Variants in TMEM184B observed in about 807,000 individuals in gnomAD.
TMEM184B encodes the protein putative MAPK-activating protein FM08.
A neutral mutation model predicts 41.8 loss-of-function variants in TMEM184B; 17 were observed. The ratio of observed to expected loss-of-function variants is 0.41; its 90% CI spans 0.28 to 0.61. The LOEUF is 0.61. Among genes scored for constraint, TMEM184B ranks in the 20% least tolerant of loss-of-function variants. TMEM184B has a pLI of 0.34. For synonymous variants in TMEM184B, 240 were observed against 229.5 expected, an observed-to-expected ratio of 1.05 and a Z score of -0.41; for missense variants, 393 against 557.8, an observed-to-expected ratio of 0.70 and a Z score of 2.98.
At chr22:38,264,001 C>T (rs2092408823) in intron 1 of TMEM184B, among the ~76,000 whole-genome samples, 1 of 152,190 alleles carries the variant, frequency 6.6e-6, no homozygotes, top group Non-Finnish European at 1.5e-5. Flanking sequence ...GATGAGGTTT[C>T]ACCATGTTGG....
chr22:38,233,931 A>C (rs1026057141), intron 3 of TMEM184B, among the ~76,000 whole-genome samples: 2 of 152,010 alleles, frequency 1.3e-5, no homozygotes, highest in Non-Finnish European at 2.9e-5. Context: ...CACCACACCC[A>C]GCTAATTTTG....
chr22:38,271,369 G>A (rs536035256), intron 1 of TMEM184B, among the ~76,000 whole-genome samples: 4 of 152,300 alleles, frequency 2.6e-5, no homozygotes, highest in South Asian at 2.1e-4. Context: ...GGCTTGCCAC[G>A]TATCGTGGAG....
In TMEM184B at chr22:38,226,882, A is replaced by G. The variant is rs752383359; in HGVS notation, c.526-12T>C. 6.4e-7 allele frequency: 1 copy of G among 1,574,752 alleles called. No homozygotes were observed. Among genetic ancestry groups the G allele is most frequent in the Non-Finnish European group, 8.6e-7 (1 of 1,160,498 alleles). ...AACTGCAGGGTGGCCTGTTGGGGGG[A>G]AAAGGAGGTTGAGTGTGGAGGAGGA... On this transcript the variant is annotated splice_polypyrimidine_tract_variant and intron_variant, in intron 5 of 8. Coordinates refer to ENST00000361906, the MANE Select transcript of TMEM184B (RefSeq NM_012264.5). This position sits in a 1 kb window ranked among gnomAD's most constrained non-coding sequence, Gnocchi z 4.6.
rs1402095633 is a variant in TMEM184B, at chr22:38,272,926, G to T, written c.-101C>A. On this transcript the variant is annotated 5_prime_UTR_variant, in exon 1 of 9. Coordinates refer to ENST00000361906, the MANE Select transcript of TMEM184B (RefSeq NM_012264.5). ...GTGGCGGCGTCTGCGGACGATGCGCGGCAGCCGGACTCTGCGGGCGGGGCG... is the reference window on the plus strand; with the variant it reads ...GTGGCGGCGTCTGCGGACGATGCGCTGCAGCCGGACTCTGCGGGCGGGGCG... The T allele has an allele frequency of 3.5e-6, 2 of 578,038 alleles. No homozygotes were observed. Among genetic ancestry groups the T allele is most frequent in the African/African-American group, 4.0e-5 (2 of 49,490 alleles). 35.8% of individuals were successfully genotyped at this position (578,038 alleles called of 1,614,324 possible). A position where few individuals can be genotyped will look rare whatever the true frequency, so the allele number is the denominator to read the frequency against.
intron 1 of TMEM184B, among the ~76,000 whole-genome samples, chr22:38,271,387 T>A (rs1481871675): frequency 2.0e-5 from 3 of 152,168 alleles, no homozygotes; most frequent in Admixed American, 6.5e-5. Flanking sequence ...GAGAAGAACG[T>A]CATGAATTCC....
At chr22:38,247,590 ACT>A (rs1569039212) in intron 2 of TMEM184B, among the ~76,000 whole-genome samples, 178 bp downstream of exon 2, 2 of 152,112 alleles carry the variant, frequency 1.3e-5, no homozygotes, top group Admixed American at 6.5e-5. Flanking sequence ...ACAGAGTGAG[ACT>A]CTGTCTCAAA....
chr22:38,231,797 C>T lies in TMEM184B; in HGVS notation c.359-463G>A, dbSNP rs1602391167. On this transcript the variant is annotated intron_variant, in intron 3 of 8. Coordinates refer to ENST00000361906, the MANE Select transcript of TMEM184B (RefSeq NM_012264.5). ...ACGTCTTGAGTCTGGGAGTTCTGGG[C>T]TGTAGTGTGCTACACTGATCTGGTG... 2.0e-5 allele frequency: 7 copies of T among 347,492 alleles called. No individual in the cohort carries two copies. In the East Asian group the frequency reaches 3.0e-4, roughly 15 times the overall value. The allele number at this position is 347,492 out of a possible 1,614,324, so 21.5% of individuals were successfully genotyped here.
At chr22:38,246,338 G>A (rs890311385) in intron 2 of TMEM184B, among the ~76,000 whole-genome samples, 9 of 152,222 alleles carry the variant, frequency 5.9e-5, no homozygotes, top group African/African-American at 1.4e-4. Flanking sequence ...CAGTGCCTGT[G>A]GGGCAGTCTT....
chr22:38,263,278 GCAATCTCC>G (rs1228614737), intron 1 of TMEM184B, among the ~76,000 whole-genome samples: 12 of 152,252 alleles, frequency 7.9e-5, no homozygotes, highest in Non-Finnish European at 1.3e-4. Flanking sequence ...CAGCAAACAA[GCAATCTCC>G]CATGACCAGC....
In TMEM184B at chr22:38,272,985, C is replaced by T; in HGVS notation, c.-160G>A. The stretch of plus-strand genomic sequence containing the variant: ...CGCAGCCCCGGAGTCTCCGCCGCCG[C>T]CGGCGCGTCCCGGGCCCAGTGGAGT... On this transcript the variant is annotated 5_prime_UTR_variant, in exon 1 of 9. Transcript: ENST00000361906. 4.9e-6 allele frequency: 1 copy of T among 205,156 alleles called. No individual in the cohort carries two copies. Among genetic ancestry groups the T allele is most frequent in the Non-Finnish European group, 8.5e-6 (1 of 117,418 alleles). 12.7% of individuals were successfully genotyped at this position (205,156 alleles called of 1,614,324 possible). A position where few individuals can be genotyped will look rare whatever the true frequency, so the allele number is the denominator to read the frequency against.
chr22:38,255,956 G>A lies in TMEM184B; in HGVS notation c.-58-7937C>T, dbSNP rs980836742. ...ATGAAACAGTTTGTATCTTGATAGT[G>A]GTAGTGGTTACATGAATCTACATGT... On this transcript the variant is annotated intron_variant, in intron 1 of 8. Coordinates refer to ENST00000361906, the MANE Select transcript of TMEM184B (RefSeq NM_012264.5). Among the ~76,000 whole-genome samples the A allele has an allele frequency of 7.2e-5, 11 of 152,294 alleles. No individual in the cohort carries two copies. The East Asian group carries it at 2.1e-3, about 29-fold the overall frequency.
At chr22:38,268,901 C>G (rs942202321) in intron 1 of TMEM184B, among the ~76,000 whole-genome samples, 9 of 152,270 alleles carry the variant, frequency 5.9e-5, no homozygotes, top group Non-Finnish European at 1.0e-4. Flanking sequence ...GCCTCCTTCT[C>G]AAATAAATGA....
At chr22:38,217,009 C>A (rs189828182), downstream of TMEM184B, among the ~76,000 whole-genome samples, 475 of 151,816 alleles carry the variant, frequency 3.1e-3, no homozygotes, top group Admixed American at 5.9e-3. Context: ...ATAGCAAGAC[C>A]CCCATCTCTA....
At chr22:38,269,387 A>AT (rs977118169) in intron 1 of TMEM184B, among the ~76,000 whole-genome samples, 1 of 151,856 alleles carries the variant, frequency 6.6e-6, no homozygotes, top group Admixed American at 6.6e-5. Flanking sequence ...TGCCTGGCAA[A>AT]TTTTTTTTAG....
rs371314280 is a variant in TMEM184B, at chr22:38,220,981, G to A, written c.*488C>T. 27 of 991,444 alleles carry A rather than the reference G, an allele frequency of 2.7e-5. No homozygotes were observed. In the East Asian group the frequency reaches 2.0e-3, roughly 74 times the overall value. 61.4% of individuals were successfully genotyped at this position (991,444 alleles called of 1,614,324 possible). A position where few individuals can be genotyped will look rare whatever the true frequency, so the allele number is the denominator to read the frequency against. On this transcript the variant is annotated 3_prime_UTR_variant, in exon 9 of 9. Coordinates refer to ENST00000361906, the MANE Select transcript of TMEM184B (RefSeq NM_012264.5). The stretch of plus-strand genomic sequence containing the variant: ...CATCCCCACTCCTGCCCGGGGTGAG[G>A]TGAATCTAGCACTGGACAAAGGTGG...
Position 38,226,684 on chromosome 22 carries a change from C to T in TMEM184B, c.617+95G>A, listed in dbSNP as rs1048611422. ...CACCAGACACCCAGGAAGGTCATGG[C>T]TGTGCGGCCACTCTGGCTGCCCCCT... On this transcript the variant is annotated intron_variant, in intron 6 of 8. Transcript: ENST00000361906. This position sits in a 1 kb window ranked among gnomAD's most constrained non-coding sequence, Gnocchi z 4.6. 4 of 1,254,128 alleles carry T rather than the reference C, an allele frequency of 3.2e-6. No homozygotes were observed. The East Asian group carries it at 1.0e-4, about 32-fold the overall frequency. The allele number at this position is 1,254,128 out of a possible 1,614,324, so 77.7% of individuals were successfully genotyped here.
downstream of TMEM184B, chr22:38,219,160 C>T (rs999284064): frequency 5.7e-6 from 4 of 706,694 alleles, no homozygotes; most frequent in South Asian, 1.3e-4. Context: ...TCAATCCGAA[C>T]CCCCATCACT....
chr22:38,240,374 AAAGGT>A (rs1484045049), intron 3 of TMEM184B, among the ~76,000 whole-genome samples: 1 of 152,164 alleles, frequency 6.6e-6, no homozygotes, highest in Non-Finnish European at 1.5e-5. Flanking sequence ...AGAAAAGCTC[AAAGGT>A]AAGATTAAAA....
At position 38,241,883 on chromosome 22, in the gene TMEM184B, CAAAAAA is replaced by C. The variant is rs34060428; in HGVS notation, c.358+4046_358+4051del. On this transcript the variant is annotated intron_variant, in intron 3 of 8. Coordinates refer to ENST00000361906, the MANE Select transcript of TMEM184B (RefSeq NM_012264.5). Reference sequence around the variant, plus strand: ...TGGGTGACAGAGCGAGACTCCGTCTCAAAAAAAAAAAAAAAAAAAAAAAAGAACGAG... The same window carrying C: ...TGGGTGACAGAGCGAGACTCCGTCTCAAAAAAAAAAAAAAAAAAGAACGAG... 2.8e-4 allele frequency among the ~76,000 whole-genome samples: 9 copies of C among 32,610 alleles called. No individual in the cohort carries two copies. The South Asian group carries it at 3.8e-3, about 14-fold the overall frequency. 21.4% of individuals were successfully genotyped at this position (32,610 alleles called of 152,430 possible).
Sources: gnomAD v4.1 joint callset for allele counts (sites outside exome capture counted in the v4.1 genomes callset) on GRCh38, gnomAD v4.1.1 for gene constraint, Gnocchi (gnomAD v3.1) non-coding constraint, MANE v1.5 for transcripts, NCBI Gene and HGNC (gene_info 2026-07-23, HGNC 2026-07-21) for gene names.